ZFHX3: variants seen among roughly 807,000 people sequenced by gnomAD.
The protein encoded by ZFHX3 is zinc finger homeobox protein 3.
A neutral mutation model predicts 279.1 loss-of-function variants in ZFHX3; 42 were observed. That is an observed-to-expected ratio of 0.15 (90% CI 0.12 to 0.19). ZFHX3 has a LOEUF of 0.19. Ranked by LOEUF, ZFHX3 falls within the 10% of genes least tolerant of loss-of-function variation. ZFHX3 has a pLI of 1.00. For missense variants in ZFHX3, 4,981 were observed against 4,754.0 expected, an observed-to-expected ratio of 1.05 and a Z score of -1.40; for synonymous variants, 2,293 against 1,957.8, an observed-to-expected ratio of 1.17 and a Z score of -4.52.
At chr16:72,870,526 A>G (rs1715645154) in intron 4 of ZFHX3, among the ~76,000 whole-genome samples, 1 of 152,070 alleles carries the variant, frequency 6.6e-6, no homozygotes, top group Non-Finnish European at 1.5e-5. Flanking sequence ...TGGCTAACAC[A>G]GTAAAACCCT....
chr16:73,822,670 G>A (rs549777275), intron 1 of ZFHX3, among the ~76,000 whole-genome samples: 1 of 152,306 alleles, frequency 6.6e-6, no homozygotes, highest in African/African-American at 2.4e-5. Flanking sequence ...CCTGGCAGTT[G>A]TAACTGAGTT....
At chr16:73,438,772 T>G (rs945666239) in intron 3 of ZFHX3, among the ~76,000 whole-genome samples, 1 of 152,188 alleles carries the variant, frequency 6.6e-6, no homozygotes, top group Non-Finnish European at 1.5e-5. Flanking sequence ...TCTTGAAAAT[T>G]TGAGAATAAA....
intron 7 of ZFHX3, among the ~76,000 whole-genome samples, chr16:73,118,705 C>T (rs949678102): frequency 6.6e-6 from 1 of 152,124 alleles, no homozygotes; most frequent in Non-Finnish European, 1.5e-5. Context: ...ATTATACAAG[C>T]CTCTGGGCTC....
intron 4 of ZFHX3, among the ~76,000 whole-genome samples, chr16:72,869,615 G>A (rs2038106284): frequency 6.6e-6 from 1 of 152,110 alleles, no homozygotes; most frequent in African/African-American, 2.4e-5. Context: ...GTTCTGGCCT[G>A]CTGAATTTCC....
intron 3 of ZFHX3, among the ~76,000 whole-genome samples, chr16:73,406,286 C>T (rs2017359143): frequency 6.6e-6 from 1 of 152,186 alleles, no homozygotes; most frequent in Admixed American, 6.5e-5. Flanking sequence ...TTTTCCTATC[C>T]TTTGTAAATG....
intron 3 of ZFHX3, among the ~76,000 whole-genome samples, chr16:73,370,087 C>T (rs966187042): frequency 7.9e-5 from 12 of 152,328 alleles, no homozygotes; most frequent in South Asian, 2.1e-4. Context: ...CCCAGTCTTC[C>T]GGCTTCCTGC....
At chr16:73,009,602 C>T (rs1001604556) in intron 1 of ZFHX3, among the ~76,000 whole-genome samples, 3 of 152,080 alleles carry the variant, frequency 2.0e-5, no homozygotes, top group African/African-American at 7.2e-5. Context: ...GGTGTTAGTA[C>T]CAAACTTAGG....
chr16:73,328,442 A>G (rs2143218343), intron 3 of ZFHX3, among the ~76,000 whole-genome samples: 1 of 152,304 alleles, frequency 6.6e-6, no homozygotes, highest in East Asian at 1.9e-4. Flanking sequence ...CTAAGACGGG[A>G]GTTATAGGTT....
intron 1 of ZFHX3, among the ~76,000 whole-genome samples, chr16:73,014,028 C>A (rs1181033539): frequency 6.6e-6 from 1 of 152,148 alleles, no homozygotes; most frequent in Non-Finnish European, 1.5e-5. Flanking sequence ...GGGCCTGATG[C>A]AATCACAGGG....
At chr16:72,942,054 C>T (rs981369155) in intron 3 of ZFHX3, among the ~76,000 whole-genome samples, 2 of 152,164 alleles carry the variant, frequency 1.3e-5, no homozygotes, top group African/African-American at 4.8e-5. Flanking sequence ...AAACTCTTGC[C>T]TTTTCCTGAC....
chr16:73,752,733 C>A (rs1030394343), intron 1 of ZFHX3, among the ~76,000 whole-genome samples: 11 of 152,108 alleles, frequency 7.2e-5, no homozygotes, highest in African/African-American at 2.7e-4. Flanking sequence ...GTGTTTCCTG[C>A]ACAAAGATCC....
At chr16:73,206,249 A>T (rs2011796392) in intron 5 of ZFHX3, among the ~76,000 whole-genome samples, 1 of 152,196 alleles carries the variant, frequency 6.6e-6, no homozygotes, top group Non-Finnish European at 1.5e-5. Context: ...GAATTAGGCC[A>T]CCAGAAAATA....
At chr16:73,648,935 A>G (rs2052645685) in intron 2 of ZFHX3, among the ~76,000 whole-genome samples, 1 of 152,172 alleles carries the variant, frequency 6.6e-6, no homozygotes, top group African/African-American at 2.4e-5. Context: ...ATAAAGACTA[A>G]TTTTCTAGGG....
intron 3 of ZFHX3, among the ~76,000 whole-genome samples, chr16:72,947,178 G>C (rs1960724922): frequency 6.6e-6 from 1 of 152,232 alleles, no homozygotes; most frequent in South Asian, 2.1e-4. Flanking sequence ...CAAGGTAAGG[G>C]GGCTTCCCCC....
chr16:73,838,789 TGC>T (rs959976365), intron 1 of ZFHX3, among the ~76,000 whole-genome samples: 3 of 144,362 alleles, frequency 2.1e-5, no homozygotes, highest in South Asian at 2.2e-4. Flanking sequence ...TGTGTGTGTG[TGC>T]GTGCGCGCAC....
intron 8 of ZFHX3, among the ~76,000 whole-genome samples, chr16:73,083,615 G>A (rs953212055): frequency 6.6e-6 from 1 of 151,956 alleles, no homozygotes; most frequent in South Asian, 2.1e-4. Context: ...CTGCAGCCTC[G>A]ACCTCTCGGG....
intron 7 of ZFHX3, among the ~76,000 whole-genome samples, chr16:73,123,946 C>A (rs1311705396): frequency 6.6e-6 from 1 of 152,162 alleles, no homozygotes; most frequent in South Asian, 2.1e-4. Flanking sequence ...TTCTCAGGCT[C>A]TAAAACTGTG....
intron 7 of ZFHX3, among the ~76,000 whole-genome samples, chr16:73,114,223 T>C (rs532395399): frequency 6.6e-6 from 1 of 152,180 alleles, no homozygotes; most frequent in South Asian, 2.1e-4. Flanking sequence ...CGTGTCTGGC[T>C]GGAAACTTTC....
intron 5 of ZFHX3, among the ~76,000 whole-genome samples, chr16:73,225,470 G>T (rs2012565011): frequency 6.6e-6 from 1 of 152,070 alleles, no homozygotes; most frequent in South Asian, 2.1e-4. Flanking sequence ...CACACCCATG[G>T]TACCAGCTAC....
Sources: gnomAD v4.1 joint callset for allele counts (sites outside exome capture counted in the v4.1 genomes callset) on GRCh38, gnomAD v4.1.1 for gene constraint, MANE v1.5 for transcripts, NCBI Gene and HGNC (gene_info 2026-07-23, HGNC 2026-07-21) for gene names.